The following SOCS6 variants were observed in gnomAD, a reference collection of about 807,000 sequenced individuals.
SOCS6 encodes STAT induced STAT inhibitor-4.
In SOCS6, 5 loss-of-function variants were observed where a neutral mutation model predicts 27.7. That is an observed-to-expected ratio of 0.18 (90% CI 0.09 to 0.38). The LOEUF (loss-of-function observed/expected upper bound fraction) is 0.38. SOCS6 is among the 10% of genes least tolerant of loss of function. The probability of loss-of-function intolerance (pLI) is 1.00; values close to 1 mark genes in which losing one functional copy is unlikely to be tolerated. For missense variants in SOCS6, 595 were observed against 688.1 expected, an observed-to-expected ratio of 0.86 and a Z score of 1.51; for synonymous variants, 271 against 260.0, an observed-to-expected ratio of 1.04 and a Z score of -0.41.
intron 1 of SOCS6, among the ~76,000 whole-genome samples, chr18:70,297,347 GT>G (rs895090081): frequency 5.1e-5 from 6 of 117,812 alleles, no homozygotes; most frequent in Admixed American, 4.1e-4. Flanking sequence ...AATCAGGAGG[GT>G]TTTTTTTTCC....
At chr18:70,295,381 C>G (rs1239858429) in intron 1 of SOCS6, among the ~76,000 whole-genome samples, 3 of 152,176 alleles carry the variant, frequency 2.0e-5, no homozygotes, top group Admixed American at 6.5e-5. Flanking sequence ...CAATAATATG[C>G]TAGATGGTTG....
At chr18:70,292,309 T>A (rs755097994) in intron 1 of SOCS6, among the ~76,000 whole-genome samples, 1 of 152,242 alleles carries the variant, frequency 6.6e-6, no homozygotes, top group Non-Finnish European at 1.5e-5. Flanking sequence ...ATCTCACAGT[T>A]ATAATGAATA....
chr18:70,296,748 CA>C (rs2062324537), intron 1 of SOCS6: 1 of 152,200 alleles, frequency 6.6e-6, no homozygotes. Flanking sequence ...TAAATACTAA[CA>C]TTTTACCATG....
intron 1 of SOCS6, among the ~76,000 whole-genome samples, chr18:70,289,479 C>A (rs965097664): frequency 6.8e-6 from 1 of 147,256 alleles, no homozygotes; most frequent in African/African-American, 2.4e-5. Flanking sequence ...GGGCCGCCGC[C>A]TTTGTTGCCC....
At chr18:70,289,303 GGGGGCCAGGGCCGGGGAACGGGGGCC>G (rs1169601840) in intron 1 of SOCS6, among the ~76,000 whole-genome samples, 3 of 149,058 alleles carry the variant, frequency 2.0e-5, no homozygotes, top group Admixed American at 6.7e-5. Flanking sequence ...GTGCGCGGGC[GGGGGCCAGGGCCGGGGAACGGGGGCC>G]GGGGCCAGTC....
At chr18:70,301,753 C>T (rs2062349212) in intron 1 of SOCS6, among the ~76,000 whole-genome samples, 1 of 152,168 alleles carries the variant, frequency 6.6e-6, no homozygotes, top group Admixed American at 6.5e-5. Context: ...TGCTGGGGCA[C>T]TCCTGTTAAG....
Position 70,329,803 on chromosome 18 carries a change from TAATC to T in SOCS6, c.*3529_*3532del, listed in dbSNP as rs1911349234. The T allele has an allele frequency of 6.0e-6, 1 of 167,122 alleles. No individual in the cohort carries two copies. Among genetic ancestry groups the T allele is most frequent in the Admixed American group, 6.5e-5 (1 of 15,286 alleles). 10.4% of individuals were successfully genotyped at this position (167,122 alleles called of 1,614,324 possible). A position where few individuals can be genotyped will look rare whatever the true frequency, so the allele number is the denominator to read the frequency against. On this transcript the variant is annotated 3_prime_UTR_variant, in exon 2 of 2. Coordinates refer to ENST00000397942, the MANE Select transcript of SOCS6 (RefSeq NM_004232.4). The stretch of plus-strand genomic sequence containing the variant: ...GGGTTTTTATAAACATTCTTTTTAT[TAATC>T]AGTCATAACATGGCGAAGTGTGTAG...
At chr18:70,298,565 A>G (rs2062334516) in intron 1 of SOCS6, among the ~76,000 whole-genome samples, 1 of 152,174 alleles carries the variant, frequency 6.6e-6, no homozygotes, top group Non-Finnish European at 1.5e-5. Context: ...TACCTTAGCC[A>G]ATAAGGTTGC....
At chr18:70,291,860 C>T (rs1232178296) in intron 1 of SOCS6, among the ~76,000 whole-genome samples, 2 of 152,158 alleles carry the variant, frequency 1.3e-5, no homozygotes, top group Non-Finnish European at 2.9e-5. Flanking sequence ...AAAGGAGAAA[C>T]TTTCTTATAT....
chr18:70,292,687 C>T (rs41536444), intron 1 of SOCS6, among the ~76,000 whole-genome samples: 5,574 of 152,300 alleles, frequency 0.037, 137 homozygotes, highest in Middle Eastern at 0.095. Context: ...AACATTTCTG[C>T]CTAGTTCTGA....
chr18:70,321,486 A>ATTTT (rs765150837), intron 1 of SOCS6, among the ~76,000 whole-genome samples: 1 of 112,660 alleles, frequency 8.9e-6, no homozygotes, highest in African/African-American at 3.6e-5. Context: ...ATGCCTGGCT[A>ATTTT]TTTTTTTTTT....
At chr18:70,305,579 T>A (rs976780877) in intron 1 of SOCS6, among the ~76,000 whole-genome samples, 1 of 152,224 alleles carries the variant, frequency 6.6e-6, no homozygotes, top group Non-Finnish European at 1.5e-5. Context: ...GAATATTGTA[T>A]CAATTAATAT....
chr18:70,312,532 G>T (rs2062394712), intron 1 of SOCS6, among the ~76,000 whole-genome samples: 1 of 151,990 alleles, frequency 6.6e-6, no homozygotes, highest in Non-Finnish European at 1.5e-5. Flanking sequence ...CTCAGTTCAG[G>T]ATGCTTTTCC....
chr18:70,305,854 T>C (rs1462408379), intron 1 of SOCS6, among the ~76,000 whole-genome samples: 5 of 152,130 alleles, frequency 3.3e-5, no homozygotes, highest in African/African-American at 1.2e-4. Flanking sequence ...CTAGTCGTTT[T>C]ATTGTTGCTA....
chr18:70,322,674 T>C (rs1361312957), intron 1 of SOCS6, among the ~76,000 whole-genome samples: 2 of 152,242 alleles, frequency 1.3e-5, no homozygotes, highest in Non-Finnish European at 2.9e-5. Flanking sequence ...TATTTAAAAG[T>C]AACTGGTGCT....
intron 1 of SOCS6, among the ~76,000 whole-genome samples, chr18:70,298,823 G>A (rs1418560357): frequency 6.6e-6 from 1 of 152,158 alleles, no homozygotes; most frequent in Non-Finnish European, 1.5e-5. Context: ...CACTTCTTCA[G>A]TGTGAAAACT....
At chr18:70,303,188 C>A (rs568551516) in intron 1 of SOCS6, among the ~76,000 whole-genome samples, 9 of 152,204 alleles carry the variant, frequency 5.9e-5, no homozygotes, top group African/African-American at 2.2e-4. Context: ...AATTTTGTTT[C>A]CTGTGTTTTT....
At chr18:70,299,555 A>G (rs2062339152) in intron 1 of SOCS6, among the ~76,000 whole-genome samples, 1 of 152,186 alleles carries the variant, frequency 6.6e-6, no homozygotes, top group African/African-American at 2.4e-5. Flanking sequence ...TCTTCAGGAT[A>G]GGGACGGGGG....
intron 1 of SOCS6, among the ~76,000 whole-genome samples, chr18:70,320,087 G>T (rs1017873767): frequency 2.0e-5 from 3 of 151,978 alleles, no homozygotes; most frequent in African/African-American, 7.3e-5. Context: ...TGCTTCCTGG[G>T]CTCAAGTGAT....
Sources: allele counts gnomAD v4.1 joint callset (sites outside exome capture counted in the v4.1 genomes callset), GRCh38; gene constraint gnomAD v4.1.1; transcripts MANE v1.5; gene names NCBI Gene and HGNC (gene_info 2026-07-23, HGNC 2026-07-21).